The following SPSB4 variants were observed in gnomAD, a reference collection of about 807,000 sequenced individuals.
The protein encoded by SPSB4 is SPRY domain-containing SOCS box protein 4.
In SPSB4, 21 loss-of-function variants were observed where a neutral mutation model predicts 20.9. The ratio of observed to expected loss-of-function variants is 1.01; its 90% confidence interval spans 0.71 to 1.45. The LOEUF is 1.45. SPSB4 is among the 40% of genes most tolerant of loss of function. The pLI, the probability that SPSB4 is intolerant of heterozygous loss-of-function variation, is 0.00. For synonymous variants in SPSB4, 207 were observed against 183.8 expected, an observed-to-expected ratio of 1.13 and a Z score of -1.02; for missense variants, 399 against 399.2, an observed-to-expected ratio of 1.00 and a Z score of 0.00.
At chr3:141,107,859 G>A (rs1337912963) in intron 2 of SPSB4, among the ~76,000 whole-genome samples, 1 of 152,070 alleles carries the variant, frequency 6.6e-6, no homozygotes, top group Non-Finnish European at 1.5e-5. Flanking sequence ...GGAGGCTGAG[G>A]CACGAACATC....
At chr3:141,141,233 C>G (rs1939322007) in intron 2 of SPSB4, among the ~76,000 whole-genome samples, 1 of 152,164 alleles carries the variant, frequency 6.6e-6, no homozygotes, top group South Asian at 2.1e-4. Context: ...ACCTGTCACC[C>G]CTTTCTTTGA....
chr3:141,053,959 T>C (rs1488744932), intron 1 of SPSB4, among the ~76,000 whole-genome samples: 1 of 152,176 alleles, frequency 6.6e-6, no homozygotes, highest in Non-Finnish European at 1.5e-5. Flanking sequence ...TTCTTCCTTT[T>C]ACTCCAACAC....
chr3:141,082,792 C>T (rs543690469), intron 2 of SPSB4, among the ~76,000 whole-genome samples: 1 of 152,362 alleles, frequency 6.6e-6, no homozygotes, highest in East Asian at 1.9e-4. Context: ...CTCTAGTCTG[C>T]CTGATTTCAG....
intron 2 of SPSB4, among the ~76,000 whole-genome samples, chr3:141,099,247 C>G (rs535063496): frequency 6.6e-6 from 1 of 150,524 alleles, no homozygotes; most frequent in Non-Finnish European, 1.5e-5. Flanking sequence ...TGCAGTGGCG[C>G]GATCTCGACT....
intron 2 of SPSB4, among the ~76,000 whole-genome samples, chr3:141,143,154 TG>T (rs113047435): frequency 0.026 from 3,982 of 152,276 alleles, 189 homozygotes; most frequent in African/African-American, 0.091. Context: ...CTTTAAAACC[TG>T]TTTTGTCTGT....
Position 141,085,896 on chromosome 3 carries a change from G to A in SPSB4, c.694+19098G>A, listed in dbSNP as rs143193391. Among the ~76,000 whole-genome samples the A allele has an allele frequency of 2.6e-3, 396 of 152,328 alleles. 2 individuals carry two copies. The highest frequency in any genetic ancestry group is 8.3e-3 in the East Asian group (43 of 5,188). On this transcript the variant is annotated intron_variant, in intron 2 of 2. Coordinates refer to ENST00000310546, the MANE Select transcript of SPSB4 (RefSeq NM_080862.3). ...ATCCCCCAAAGCCCCAAAGCAGAGC[G>A]GAATTTAGGTGAAGGGTTTCTTGGT...
chr3:141,060,748 T>C (rs1377968910), intron 1 of SPSB4, among the ~76,000 whole-genome samples: 1 of 152,254 alleles, frequency 6.6e-6, no homozygotes, highest in East Asian at 1.9e-4. Flanking sequence ...TAGCAATGTA[T>C]GAGTCTGTCT....
intron 2 of SPSB4, among the ~76,000 whole-genome samples, chr3:141,076,659 G>C (rs112490341): frequency 6.6e-6 from 1 of 152,140 alleles, no homozygotes; most frequent in African/African-American, 2.4e-5. Context: ...CAGTTGCTTG[G>C]GGGGTGTCTG....
intron 2 of SPSB4, among the ~76,000 whole-genome samples, chr3:141,112,742 C>A (rs564329313): frequency 1.1e-4 from 16 of 151,462 alleles, no homozygotes; most frequent in South Asian, 4.2e-4. Context: ...CCCATCATAA[C>A]CCTAGATGGG....
intron 2 of SPSB4, among the ~76,000 whole-genome samples, chr3:141,134,800 C>T (rs978587134): frequency 1.3e-4 from 19 of 151,078 alleles, no homozygotes; most frequent in African/African-American, 4.4e-4. Context: ...ATGTCCTTTC[C>T]CGGTTTTGGT....
intron 2 of SPSB4, among the ~76,000 whole-genome samples, chr3:141,071,479 C>T (rs1032470844): frequency 7.8e-6 from 1 of 129,012 alleles, no homozygotes; most frequent in African/African-American, 4.3e-5. Flanking sequence ...GGATTTTACT[C>T]ATTTTTTTTT....
At chr3:141,068,082 C>G (rs1937925239) in intron 2 of SPSB4, among the ~76,000 whole-genome samples, 1 of 152,096 alleles carries the variant, frequency 6.6e-6, no homozygotes, top group Admixed American at 6.5e-5. Context: ...GAAAAGAAGT[C>G]AAGGACAAGA....
At chr3:141,137,832 G>A (rs1939253645) in intron 2 of SPSB4, among the ~76,000 whole-genome samples, 1 of 152,152 alleles carries the variant, frequency 6.6e-6, no homozygotes, top group Admixed American at 6.5e-5. Context: ...TTGGTATCAG[G>A]ATGATGCTGG....
chr3:141,092,346 G>T (rs1938468877), intron 2 of SPSB4, among the ~76,000 whole-genome samples: 2 of 152,242 alleles, frequency 1.3e-5, no homozygotes, highest in South Asian at 4.1e-4. Context: ...ATTAGCAAAA[G>T]ACTTCCAGGG....
intron 2 of SPSB4, among the ~76,000 whole-genome samples, chr3:141,132,652 GTA>G (rs61229879): frequency 0.14 from 20,327 of 148,188 alleles, 1,639 homozygotes; most frequent in African/African-American, 0.23. Context: ...CAAGGTGTGT[GTA>G]TATATATATA....
intron 2 of SPSB4, among the ~76,000 whole-genome samples, chr3:141,112,413 A>G (rs1197117018): frequency 6.6e-6 from 1 of 151,890 alleles, no homozygotes; most frequent in Admixed American, 6.6e-5. Context: ...TGGGAGGCCG[A>G]GGCGGGCGGA....
chr3:141,068,216 C>T (rs573270780), intron 2 of SPSB4, among the ~76,000 whole-genome samples: 1 of 152,356 alleles, frequency 6.6e-6, no homozygotes, highest in East Asian at 1.9e-4. Flanking sequence ...TAATTGTCGA[C>T]ATTCTTGCTC....
At chr3:141,141,208 G>T (rs182983857) in intron 2 of SPSB4, among the ~76,000 whole-genome samples, 2 of 152,186 alleles carry the variant, frequency 1.3e-5, no homozygotes, top group South Asian at 4.1e-4. Context: ...GGAGTGACCC[G>T]ATTTTCCAGG....
At position 141,145,225 on chromosome 3, in the gene SPSB4, T is replaced by TAA. The variant is rs573940987; in HGVS notation, c.695-1905_695-1904dup. Reference sequence around the variant, plus strand: ...ATTTTAAAAAGAGAATACAAAAAATTAAAAAAAAAAAAAGATAAAAAAGAG... The same window carrying TAA: ...ATTTTAAAAAGAGAATACAAAAAATTAAAAAAAAAAAAAAAGATAAAAAAGAG... On this transcript the variant is annotated intron_variant, in intron 2 of 2. Coordinates refer to ENST00000310546, the MANE Select transcript of SPSB4 (RefSeq NM_080862.3). Among the ~76,000 whole-genome samples, 264 of 142,768 alleles carry TAA rather than the reference T, an allele frequency of 1.8e-3. 1 individual carries two copies. Among genetic ancestry groups the TAA allele is most frequent in the Middle Eastern group, 3.6e-3 (1 of 280 alleles). 93.7% of individuals were successfully genotyped at this position (142,768 alleles called of 152,430 possible).
Sources: gnomAD v4.1 joint callset for allele counts (sites outside exome capture counted in the v4.1 genomes callset) on GRCh38, gnomAD v4.1.1 for gene constraint, MANE v1.5 for transcripts, NCBI Gene and HGNC (gene_info 2026-07-23, HGNC 2026-07-21) for gene names.